SHROOM2: variants seen among roughly 807,000 people sequenced by gnomAD.
SHROOM2 encodes the protein protein Shroom2.
Under a neutral mutation model 75.9 loss-of-function variants are expected in SHROOM2, and 33 were observed. That is an observed-to-expected ratio of 0.43 (90% CI 0.33 to 0.58). The LOEUF (loss-of-function observed/expected upper bound fraction) is 0.58, where lower values mean the gene tolerates loss of function less well. Among genes scored for constraint, SHROOM2 ranks in the 20% least tolerant of loss-of-function variants. SHROOM2 has a pLI of 0.04. For synonymous variants in SHROOM2, 655 were observed against 663.6 expected, an observed-to-expected ratio of 0.99 and a Z score of 0.20; for missense variants, 1,434 against 1,461.2, an observed-to-expected ratio of 0.98 and a Z score of 0.30.
Position 9,897,680 on chromosome X carries a change from C to CAAAAAAAA in SHROOM2, c.2791-497_2791-490dup, listed in dbSNP as rs56026461. Reference sequence around the variant, plus strand: ...TGGGCAAAAGAGCAAGACCCTGTCTCAAAAAAAAAAAAAAAAAAAAGAACC... The same window carrying CAAAAAAAA: ...TGGGCAAAAGAGCAAGACCCTGTCTCAAAAAAAAAAAAAAAAAAAAAAAAAAAAGAACC... On this transcript the variant is annotated intron_variant, in intron 4 of 9. Coordinates refer to ENST00000380913, the MANE Select transcript of SHROOM2 (RefSeq NM_001649.4). Among the ~76,000 whole-genome samples the CAAAAAAAA allele has an allele frequency of 9.1e-3, 641 of 70,513 alleles. 24 individuals carry two copies. Among genetic ancestry groups the CAAAAAAAA allele is most frequent in the African/African-American group, 0.036 (600 of 16,582 alleles). The allele number at this position is 70,513 out of a possible 115,157, so 61.2% of individuals were successfully genotyped here.
At chrX:9,834,919 C>G (rs760784755) in intron 1 of SHROOM2, among the ~76,000 whole-genome samples, 1 of 112,222 alleles carries the variant, frequency 8.9e-6, no homozygotes, top group Non-Finnish European at 1.9e-5. Flanking sequence ...TGTTCTAAAA[C>G]TTCACCCAGC....
chrX:9,912,994 G>A (rs1234999912), intron 5 of SHROOM2: 1 of 112,280 alleles, frequency 8.9e-6, no homozygotes, highest in Non-Finnish European at 1.9e-5. Context: ...TTAACACCGT[G>A]TTCTAGGCTG....
intron 1 of SHROOM2, among the ~76,000 whole-genome samples, chrX:9,824,533 A>G (rs1357282302): frequency 8.9e-6 from 1 of 112,259 alleles, no homozygotes; most frequent in East Asian, 2.8e-4. Flanking sequence ...ATAAACCTAG[A>G]AATCTTCCAT....
In SHROOM2 at chrX:9,896,192, T is replaced by A; in HGVS notation, c.2284T>A (p.Ser762Thr). ...RRFTAEQKLKSYSEPEKMNEV... is the reference protein window; with the variant it reads ...RRFTAEQKLKTYSEPEKMNEV... Reference sequence around the variant, plus strand: ...GTTCACAGCTGAGCAGAAATTGAAGTCCTACTCGGAACCTGAGAAGATGAA... The same window carrying A: ...GTTCACAGCTGAGCAGAAATTGAAGACCTACTCGGAACCTGAGAAGATGAA... Residue 762 changes from serine to threonine, a missense_variant, in exon 4 of 10, where the codon TCC (serine) becomes ACC (threonine). By Grantham distance (58) the Ser-to-Thr change is moderately conservative. This residue lies in a region of SHROOM2 where 1,340 missense variants were observed against 1,338.3 expected (regional missense o/e 1.00). Coordinates refer to ENST00000380913, the MANE Select transcript of SHROOM2 (RefSeq NM_001649.4). The A allele has an allele frequency of 8.3e-7, 1 of 1,210,344 alleles. No individual in the cohort carries two copies. The highest frequency in any genetic ancestry group is 1.1e-6 in the Non-Finnish European group (1 of 895,171).
intron 1 of SHROOM2, among the ~76,000 whole-genome samples, chrX:9,808,568 A>G (rs1177894274): frequency 9.1e-6 from 1 of 109,742 alleles, no homozygotes; most frequent in African/African-American, 3.3e-5. Flanking sequence ...TTTTAAAATA[A>G]GTGGATATAA....
chrX:9,912,107 A>AACACACACACACACACAC (rs61080253), intron 5 of SHROOM2, among the ~76,000 whole-genome samples: 2 of 26,459 alleles, frequency 7.6e-5, no homozygotes, highest in Admixed American at 4.2e-4. Context: ...CCTTTCTCCA[A>AACACACACACACACACAC]ACACACACAC....
At chrX:9,905,371 C>G (rs1300543341) in intron 5 of SHROOM2, among the ~76,000 whole-genome samples, 1 of 113,007 alleles carries the variant, frequency 8.8e-6, no homozygotes, top group African/African-American at 3.2e-5. Context: ...AGTTTTGTGT[C>G]TTTTAAATCT....
intron 1 of SHROOM2, among the ~76,000 whole-genome samples, chrX:9,792,039 T>C (rs369083466): frequency 3.3e-4 from 4 of 12,285 alleles, no homozygotes; most frequent in East Asian, 7.0e-3. Flanking sequence ...TAGAATAGAA[T>C]AGAATAGAAT....
At chrX:9,807,150 C>A (rs774805320) in intron 1 of SHROOM2, among the ~76,000 whole-genome samples, 3 of 111,966 alleles carry the variant, frequency 2.7e-5, no homozygotes, top group African/African-American at 9.7e-5. Context: ...CATGAAGGTC[C>A]CTGCCTCGAG....
intron 1 of SHROOM2, among the ~76,000 whole-genome samples, chrX:9,827,226 T>TTTTTC (rs2083892545): frequency 1.2e-5 from 1 of 86,782 alleles, no homozygotes; most frequent in African/African-American, 4.4e-5. Flanking sequence ...TCTTTTTCTT[T>TTTTTC]TTTTTTTTTT....
intron 1 of SHROOM2, among the ~76,000 whole-genome samples, chrX:9,838,944 T>G (rs1601938508): frequency 9.0e-6 from 1 of 111,342 alleles, no homozygotes; most frequent in East Asian, 2.8e-4. Flanking sequence ...TGGGAATGGC[T>G]TAAGGAATAC....
intron 1 of SHROOM2, among the ~76,000 whole-genome samples, chrX:9,846,331 G>A (rs1183219112): frequency 9.0e-6 from 1 of 111,271 alleles, no homozygotes; most frequent in Non-Finnish European, 1.9e-5. Context: ...GTCTCGCTCT[G>A]TCACCCAGGC....
intron 1 of SHROOM2, among the ~76,000 whole-genome samples, chrX:9,828,768 T>C (rs372234563): frequency 1.2e-3 from 131 of 111,536 alleles, no homozygotes; most frequent in African/African-American, 4.0e-3. Flanking sequence ...CCAGCTTTCC[T>C]GTCTGTCTAT....
intron 5 of SHROOM2, among the ~76,000 whole-genome samples, chrX:9,915,893 G>A (rs1328110951): frequency 2.7e-5 from 3 of 111,861 alleles, no homozygotes; most frequent in African/African-American, 9.7e-5. Context: ...TGTGATAGAA[G>A]GAAGATTGAG....
chrX:9,814,225 C>A (rs909631806), intron 1 of SHROOM2, among the ~76,000 whole-genome samples: 4 of 111,265 alleles, frequency 3.6e-5, no homozygotes, highest in Non-Finnish European at 5.7e-5. Context: ...ATCTTTTAAT[C>A]CATAGTTCAG....
intron 1 of SHROOM2, among the ~76,000 whole-genome samples, chrX:9,789,894 C>A (rs1197145473): frequency 8.9e-6 from 1 of 112,093 alleles, no homozygotes; most frequent in African/African-American, 3.2e-5. Context: ...CTTTGGGAAC[C>A]CATTGATTTT....
chrX:9,838,335 C>G, intron 1 of SHROOM2, among the ~76,000 whole-genome samples: 1 of 110,925 alleles, frequency 9.0e-6, no homozygotes, highest in South Asian at 3.8e-4. Flanking sequence ...GCTGGGATTA[C>G]AGGCATGAGC....
chrX:9,798,935 T>C (rs2083708344), intron 1 of SHROOM2, among the ~76,000 whole-genome samples: 1 of 111,291 alleles, frequency 9.0e-6, no homozygotes, highest in Admixed American at 9.7e-5. Context: ...TTTGTGTTGA[T>C]TTAACGACAG....
chrX:9,902,661 A>G (rs2084371141), intron 5 of SHROOM2, among the ~76,000 whole-genome samples: 1 of 112,373 alleles, frequency 8.9e-6, no homozygotes, highest in African/African-American at 3.2e-5. Flanking sequence ...TGTTTTGGGT[A>G]TGAGATTTTA....
Sources: gnomAD v4.1 joint callset for allele counts (sites outside exome capture counted in the v4.1 genomes callset) on GRCh38, gnomAD v4.1.1 for gene constraint, gnomAD v4.1.1 regional missense constraint, MANE v1.5 for transcripts, NCBI Gene and HGNC (gene_info 2026-07-23, HGNC 2026-07-21) for gene names.